The following SLX4IP variants were observed in gnomAD, a reference collection of about 807,000 sequenced individuals.
SLX4IP encodes the protein SLX4 interacting protein.
In SLX4IP, 34 loss-of-function variants were observed where a neutral mutation model predicts 32.9. The observed-to-expected ratio is 1.03, with a 90% CI of 0.79 to 1.38. The LOEUF (loss-of-function observed/expected upper bound fraction) is 1.38. Ranked by LOEUF, SLX4IP falls within the 40% of genes most tolerant of loss-of-function variation. The pLI, the probability that SLX4IP is intolerant of heterozygous loss-of-function variation, is 0.00. For missense variants in SLX4IP, 444 were observed against 479.0 expected (o/e 0.93, Z 0.68); for synonymous variants, 172 against 171.7 (o/e 1.00, Z -0.01).
At chr20:10,608,788 C>T (rs940422130) in intron 6 of SLX4IP, among the ~76,000 whole-genome samples, 34 of 151,638 alleles carry the variant, frequency 2.2e-4, no homozygotes, top group Middle Eastern at 3.4e-3. Context: ...ATGCAATTAA[C>T]GCCACATTAA....
At chr20:10,549,656 C>T (rs530875645) in intron 2 of SLX4IP, among the ~76,000 whole-genome samples, 1 of 152,322 alleles carries the variant, frequency 6.6e-6, no homozygotes, top group South Asian at 2.1e-4. Flanking sequence ...TGGAGTCTCT[C>T]AGATCTGGAT....
intron 2 of SLX4IP, among the ~76,000 whole-genome samples, chr20:10,465,561 G>A (rs373497595): frequency 7.9e-5 from 12 of 152,200 alleles, no homozygotes; most frequent in South Asian, 2.1e-4. Flanking sequence ...GTTGGAGTGC[G>A]GTGGCAAGAT....
chr20:10,617,243 C>T (rs536280981), intron 6 of SLX4IP, among the ~76,000 whole-genome samples: 7 of 152,294 alleles, frequency 4.6e-5, no homozygotes, highest in Non-Finnish European at 7.3e-5. Flanking sequence ...TTATGTATAT[C>T]GGCAGTTTTT....
chr20:10,473,849 G>A (rs1458186564), intron 2 of SLX4IP, among the ~76,000 whole-genome samples: 1 of 150,968 alleles, frequency 6.6e-6, no homozygotes, highest in African/African-American at 2.4e-5. Flanking sequence ...TTTGAAAGGA[G>A]TCTTGCTCTG....
intron 2 of SLX4IP, among the ~76,000 whole-genome samples, chr20:10,550,579 C>G (rs1202200145): frequency 6.6e-6 from 1 of 152,080 alleles, no homozygotes; most frequent in Non-Finnish European, 1.5e-5. Context: ...CAGTGATTTC[C>G]CCTTGCCCGC....
chr20:10,445,311 CTTTTTTTTTTT>C lies in SLX4IP; in HGVS notation c.-30+9869_-30+9879del, dbSNP rs36058168. 1.6e-4 allele frequency among the ~76,000 whole-genome samples: 14 copies of C among 90,186 alleles called. No homozygotes were observed. In the South Asian group the frequency reaches 3.7e-3, roughly 24 times the overall value. The allele number at this position is 90,186 out of a possible 152,430, so 59.2% of individuals were successfully genotyped here. On this transcript the variant is annotated intron_variant, in intron 1 of 7. Coordinates refer to ENST00000334534, the MANE Select transcript of SLX4IP (RefSeq NM_001009608.3). ...TTGGATTGCTTTTTCTTTTTTCTTTCTTTTTTTTTTTTTTTTTTTTTGAGATGGAGTTTTGC... is the reference window on the plus strand; with the variant it reads ...TTGGATTGCTTTTTCTTTTTTCTTTCTTTTTTTTTTGAGATGGAGTTTTGC...
At chr20:10,616,387 A>AATT (rs1568774770) in intron 6 of SLX4IP, among the ~76,000 whole-genome samples, 1 of 97,892 alleles carries the variant, frequency 1.0e-5, no homozygotes, top group Non-Finnish European at 2.0e-5. Context: ...CCAAAAAAAA[A>AATT]AATGAAATAA....
intron 1 of SLX4IP, among the ~76,000 whole-genome samples, chr20:10,442,725 A>G (rs2065169471): frequency 6.6e-6 from 1 of 152,260 alleles, no homozygotes; most frequent in South Asian, 2.1e-4. Context: ...AGCTTGTTGC[A>G]TCCTGCTGAA....
chr20:10,601,490 T>C (rs2172351), intron 5 of SLX4IP, among the ~76,000 whole-genome samples: 110,186 of 152,070 alleles, frequency 0.72, 40,613 homozygotes, highest in African/African-American at 0.86. Context: ...GGGTTTCCTG[T>C]AATGTAATGG....
intron 6 of SLX4IP, chr20:10,614,122 G>A (rs979129019): frequency 1.3e-5 from 19 of 1,463,496 alleles, no homozygotes; most frequent in Middle Eastern, 2.4e-4. Context: ...TGGTAGCCTC[G>A]TCGGACCTCG....
At chr20:10,458,259 A>C (rs1289370825) in intron 2 of SLX4IP, 28 bp downstream of exon 2, 1 of 1,555,654 alleles carries the variant, frequency 6.4e-7, no homozygotes, top group Non-Finnish European at 8.7e-7. Context: ...GCTTTTTAAA[A>C]AGAGGCTAAT....
chr20:10,615,261 G>A (rs1370975814), intron 6 of SLX4IP, among the ~76,000 whole-genome samples: 2 of 152,158 alleles, frequency 1.3e-5, no homozygotes, highest in African/African-American at 2.4e-5. Context: ...TTATGTCAAA[G>A]TCACCTTCCT....
chr20:10,614,573 A>G (rs2067005217), intron 6 of SLX4IP, among the ~76,000 whole-genome samples: 1 of 152,162 alleles, frequency 6.6e-6, no homozygotes, highest in Non-Finnish European at 1.5e-5. Flanking sequence ...CTCAGCTAAT[A>G]TTAATGTCTT....
chr20:10,517,456 A>G (rs2065860065), intron 2 of SLX4IP, among the ~76,000 whole-genome samples: 1 of 152,250 alleles, frequency 6.6e-6, no homozygotes, highest in Non-Finnish European at 1.5e-5. Flanking sequence ...AAATGTCAAC[A>G]TTTATTAAAA....
chr20:10,446,411 C>CAAAAAA (rs36181096), intron 1 of SLX4IP, among the ~76,000 whole-genome samples: 1 of 112,402 alleles, frequency 8.9e-6, no homozygotes. Context: ...GACTCTGTCT[C>CAAAAAA]AAAAAAAAAA....
At chr20:10,489,712 T>C (rs147172629) in intron 2 of SLX4IP, among the ~76,000 whole-genome samples, 1 of 152,310 alleles carries the variant, frequency 6.6e-6, no homozygotes, top group African/African-American at 2.4e-5. Context: ...TTACCCATGG[T>C]GACATGTGTC....
intron 2 of SLX4IP, among the ~76,000 whole-genome samples, chr20:10,548,383 C>T (rs562348335): frequency 3.3e-5 from 5 of 152,210 alleles, no homozygotes; most frequent in Admixed American, 2.0e-4. Flanking sequence ...GGACTACAGG[C>T]GCCCGCCACC....
intron 2 of SLX4IP, among the ~76,000 whole-genome samples, chr20:10,461,770 A>T (rs1406284647): frequency 6.6e-6 from 1 of 151,832 alleles, no homozygotes; most frequent in East Asian, 1.9e-4. Context: ...TTTCCTTATT[A>T]CTTTGAGAGT....
rs562023901 is a variant in SLX4IP at position 10,514,235 on chromosome 20, A to G, written c.28-41996A>G. ...ATGCCTCCTGGCCCCAACTTTTTAAAATGTATCCTTTGAGGTGTATTCTAT... is the reference window on the plus strand; with the variant it reads ...ATGCCTCCTGGCCCCAACTTTTTAAGATGTATCCTTTGAGGTGTATTCTAT... On this transcript the variant is annotated intron_variant, in intron 2 of 7. Transcript: ENST00000334534. Among the ~76,000 whole-genome samples, 4 of 152,184 alleles carry G rather than the reference A, an allele frequency of 2.6e-5. No individual in the cohort carries two copies. In the South Asian group the frequency reaches 8.3e-4, roughly 32 times the overall value.
Sources: allele counts gnomAD v4.1 joint callset (sites outside exome capture counted in the v4.1 genomes callset), GRCh38; gene constraint gnomAD v4.1.1; transcripts MANE v1.5; gene names NCBI Gene and HGNC (gene_info 2026-07-23, HGNC 2026-07-21).